The following USP34 variants were observed in gnomAD, a reference collection of about 807,000 sequenced individuals.
USP34 encodes ubiquitin specific peptidase 34, also known as ubiquitin carboxyl-terminal hydrolase 34.
Under a neutral mutation model 460.3 loss-of-function variants are expected in USP34, and 70 were observed. The observed-to-expected ratio is 0.15, with a 90% CI of 0.13 to 0.19. The LOEUF is 0.19. Among genes scored for constraint, USP34 ranks in the 10% least tolerant of loss-of-function variants. USP34 has a pLI of 1.00. For synonymous variants in USP34, 1,647 were observed against 1,405.3 expected (o/e 1.17, Z -3.85); for missense variants, 3,985 against 4,236.2 (o/e 0.94, Z 1.65).
intron 47 of USP34, among the ~76,000 whole-genome samples, 174 bp from the exon 48 acceptor site, chr2:61,256,652 A>C (rs1318202342): frequency 6.6e-6 from 1 of 152,106 alleles, no homozygotes; most frequent in Non-Finnish European, 1.5e-5. Context: ...TATTCTATGA[A>C]TCTTAGTAAC....
At chr2:61,469,064 G>A (rs766686158) in intron 1 of USP34, among the ~76,000 whole-genome samples, 19 of 152,186 alleles carry the variant, frequency 1.2e-4, no homozygotes, top group Middle Eastern at 6.8e-3. Context: ...AAAATCAGCC[G>A]GGCATGGTGT....
At chr2:61,437,124 T>A (rs1018206860) in intron 1 of USP34, among the ~76,000 whole-genome samples, 2 of 151,952 alleles carry the variant, frequency 1.3e-5, no homozygotes, top group African/African-American at 4.8e-5. Flanking sequence ...CAATGATGCA[T>A]CTCAAGGAAC....
At chr2:61,324,663 A>G (rs924167449) in intron 21 of USP34, among the ~76,000 whole-genome samples, 9 of 152,128 alleles carry the variant, frequency 5.9e-5, no homozygotes, top group Non-Finnish European at 8.8e-5. Context: ...CACGTTACTG[A>G]GGAGGCTAAG....
At chr2:61,390,470 T>A (rs1182828900) in intron 5 of USP34, among the ~76,000 whole-genome samples, 1 of 152,228 alleles carries the variant, frequency 6.6e-6, no homozygotes, top group Admixed American at 6.5e-5. Context: ...AAAGCTGCAT[T>A]TGCAAAGTAA....
At chr2:61,202,407 A>G (rs1687001578) in intron 75 of USP34, among the ~76,000 whole-genome samples, 1 of 152,168 alleles carries the variant, frequency 6.6e-6, no homozygotes, top group South Asian at 2.1e-4. Flanking sequence ...GAGGGAGGAC[A>G]CAGACGCCTA....
At chr2:61,363,919 C>G (rs895263832) in intron 10 of USP34, among the ~76,000 whole-genome samples, 1 of 152,070 alleles carries the variant, frequency 6.6e-6, no homozygotes, top group Non-Finnish European at 1.5e-5. Flanking sequence ...ACTATCTGTA[C>G]GCAAAACATT....
At chr2:61,234,319 T>G (rs1558481310) in intron 57 of USP34, among the ~76,000 whole-genome samples, 2 of 152,264 alleles carry the variant, frequency 1.3e-5, no homozygotes, top group Non-Finnish European at 2.9e-5. Flanking sequence ...AAGACTTGCC[T>G]TCCTATGGAG....
At chr2:61,307,041 A>C (rs1334648964) in intron 27 of USP34, among the ~76,000 whole-genome samples, 1 of 152,172 alleles carries the variant, frequency 6.6e-6, no homozygotes, top group African/African-American at 2.4e-5. Context: ...CACTATTCAC[A>C]AGAGCAAAGA....
chr2:61,443,955 T>C (rs1361943310), intron 1 of USP34, among the ~76,000 whole-genome samples: 1 of 152,106 alleles, frequency 6.6e-6, no homozygotes, highest in East Asian at 1.9e-4. Flanking sequence ...TCAATTTTGG[T>C]GTGAACTAAA....
At chr2:61,217,650 T>C (rs147853310) in intron 67 of USP34, among the ~76,000 whole-genome samples, 25 of 152,298 alleles carry the variant, frequency 1.6e-4, no homozygotes, top group African/African-American at 5.8e-4. Flanking sequence ...TAAAACAGTA[T>C]TACTGACATT....
In USP34 at chr2:61,280,343, A is replaced by C. The variant is rs1303096758; in HGVS notation, c.5157T>G (p.Asp1719Glu). ...DAQALKPIRI[D>E]DYEEEPILKP... ...TTAATATTGGTTCTTCCTCATAATC[A>C]TCTATCTATTAAAAAAATTTTATAC... Residue 1719 changes from aspartate to glutamate, a missense_variant, in exon 39 of 80, where the codon GAT becomes GAG. By Grantham distance (45) the Asp-to-Glu change is conservative. Around this residue, in one of 14 missense-constraint regions of USP34, gnomAD observed 1,114 missense variants for 1,122.5 expected, o/e 0.99. Transcript: ENST00000398571. 6.8e-7 allele frequency: 1 copy of C among 1,481,314 alleles called. No individual in the cohort carries two copies. The allele number at this position is 1,481,314 out of a possible 1,614,324, so 91.8% of individuals were successfully genotyped here. A position where few individuals can be genotyped will look rare whatever the true frequency, so the allele number is the denominator to read the frequency against.
Position 61,278,279 on chromosome 2 carries a change from C to A in USP34, c.5319G>T (p.Glu1773Asp). ...CATTACCATCCTGATGATCAAGGAT[C>A]TCCCTACTACAAAAAAGAAAAAAAA... Reference protein sequence around the residue: ...RHLADCIRSREILDHQDGNVE... With the variant: ...RHLADCIRSRDILDHQDGNVE... The change falls in exon 41 of 80, where the codon GAG becomes GAT. Residue 1773 changes from glutamate to aspartate, a missense_variant. Transcript: ENST00000398571. 1.2e-6 allele frequency: 2 copies of A among 1,613,100 alleles called. No individual in the cohort carries two copies. Among genetic ancestry groups the A allele is most frequent in the African/African-American group, 2.7e-5 (2 of 74,944 alleles).
intron 23 of USP34, among the ~76,000 whole-genome samples, chr2:61,315,358 C>G (rs1426149544): frequency 6.6e-6 from 1 of 151,988 alleles, no homozygotes; most frequent in Non-Finnish European, 1.5e-5. Context: ...CATATGCTAA[C>G]TCAAGTTCTC....
At chr2:61,202,863 G>C (rs1466473546) in intron 75 of USP34, among the ~76,000 whole-genome samples, 1 of 152,078 alleles carries the variant, frequency 6.6e-6, no homozygotes, top group African/African-American at 2.4e-5. Flanking sequence ...CTGCTGGGCA[G>C]ATGGTGGAGG....
chr2:61,358,193 A>AAAATAAAT (rs75593990), intron 10 of USP34, among the ~76,000 whole-genome samples: 2,146 of 148,648 alleles, frequency 0.014, 36 homozygotes, highest in African/African-American at 0.044. Flanking sequence ...GATTCCATCT[A>AAAATAAAT]AAATAAATAA....
rs1558564720 is a variant in USP34 at position 61,387,773 on chromosome 2, T to TTTTTACGTATACACACATGTAAAAATATA, written c.754-4466_754-4438dup. On this transcript the variant is annotated intron_variant, in intron 5 of 79. Coordinates refer to ENST00000398571, the MANE Select transcript of USP34 (RefSeq NM_014709.4). ...TACGTATACACACATGTAAAATATATTTTTACGTATACACACATGTAAAAA... is the reference window on the plus strand; with the variant it reads ...TACGTATACACACATGTAAAATATATTTTTACGTATACACACATGTAAAAATATATTTTACGTATACACACATGTAAAAA... Among the ~76,000 whole-genome samples the TTTTTACGTATACACACATGTAAAAATATA allele has an allele frequency of 1.6e-4, 23 of 147,970 alleles. No individual in the cohort carries two copies. In the East Asian group the frequency reaches 4.0e-3, roughly 26 times the overall value.
Position 61,305,786 on chromosome 2 carries a change from T to TC in USP34, c.3818-4333dup, listed in dbSNP as rs1470003554. Among the ~76,000 whole-genome samples the TC allele has an allele frequency of 2.1e-3, 316 of 152,118 alleles. 1 individual carries two copies. The highest frequency in any genetic ancestry group is 7.2e-3 in the African/African-American group (297 of 41,514). ...AAAAATCTTTATATCCTTTTTTTTT[T>TC]CCCCGTCGTTGGCTGTAAAGGACAA... On this transcript the variant is annotated intron_variant, in intron 27 of 79. Transcript: ENST00000398571.
chr2:61,301,185 T>C (rs1441348002), intron 28 of USP34, 25 bp from the exon 29 acceptor site: 1 of 1,576,238 alleles, frequency 6.3e-7, no homozygotes, highest in Non-Finnish European at 8.6e-7. Flanking sequence ...AAAAAAAATT[T>C]ATGCATATCA....
intron 32 of USP34, among the ~76,000 whole-genome samples, chr2:61,293,865 A>T (rs1487494730): frequency 6.6e-6 from 1 of 152,044 alleles, no homozygotes; most frequent in African/African-American, 2.4e-5. Context: ...AAATAAAAAA[A>T]TTGGCCGGGT....
Sources: gnomAD v4.1 joint callset for allele counts (sites outside exome capture counted in the v4.1 genomes callset) on GRCh38, gnomAD v4.1.1 for gene constraint, gnomAD v4.1.1 regional missense constraint, MANE v1.5 for transcripts, NCBI Gene and HGNC (gene_info 2026-07-23, HGNC 2026-07-21) for gene names.